RASGRF1: variants seen among roughly 807,000 people sequenced by gnomAD.
RASGRF1 encodes the protein Ras protein specific guanine nucleotide releasing factor 1, also known as ras-specific guanine nucleotide-releasing factor 1.
RASGRF1 carries 40 observed loss-of-function variants against 138.7 expected under a neutral mutation model. The observed-to-expected ratio is 0.29, with a 90% CI of 0.22 to 0.38. The LOEUF (loss-of-function observed/expected upper bound fraction) is 0.38. Ranked by LOEUF, RASGRF1 falls within the 10% of genes least tolerant of loss-of-function variation. RASGRF1 has a pLI of 1.00. For missense variants in RASGRF1, 1,108 were observed against 1,650.4 expected, an observed-to-expected ratio of 0.67 and a Z score of 5.69; for synonymous variants, 614 against 663.2, an observed-to-expected ratio of 0.93 and a Z score of 1.14.
At chr15:78,994,475 G>C (rs2056347621) in intron 20 of RASGRF1, among the ~76,000 whole-genome samples, 1 of 152,230 alleles carries the variant, frequency 6.6e-6, no homozygotes, top group African/African-American at 2.4e-5. Flanking sequence ...CCAGCAAGGG[G>C]CTGAGCCAGC....
intron 26 of RASGRF1, among the ~76,000 whole-genome samples, chr15:78,967,801 A>G (rs1232803360): frequency 6.6e-6 from 1 of 152,164 alleles, no homozygotes; most frequent in African/African-American, 2.4e-5. Flanking sequence ...TGAGGGCTGA[A>G]CCATTTGAAG....
At chr15:79,043,936 C>T (rs193065198) in intron 5 of RASGRF1, among the ~76,000 whole-genome samples, 25 of 152,346 alleles carry the variant, frequency 1.6e-4, no homozygotes, top group East Asian at 1.4e-3. Flanking sequence ...ATTACTCTTC[C>T]GAACTTTTGC....
chr15:78,990,058 A>G, intron 22 of RASGRF1, 131 bp downstream of exon 22: 1 of 769,404 alleles, frequency 1.3e-6, no homozygotes, highest in Non-Finnish European at 2.3e-6. Context: ...CCACATGGCA[A>G]GGGGTGGCAG....
intron 2 of RASGRF1, among the ~76,000 whole-genome samples, chr15:79,059,749 A>C (rs941403110): frequency 3.0e-4 from 45 of 151,816 alleles, no homozygotes; most frequent in African/African-American, 1.0e-3. Context: ...ATAAACACAC[A>C]CCCCCCACAG....
At chr15:78,990,374 G>A (rs139994897) in intron 21 of RASGRF1, 101 bp from the exon 22 acceptor site, 73 of 792,018 alleles carry the variant, frequency 9.2e-5, no homozygotes, top group Non-Finnish European at 1.4e-4. Context: ...TTTTGAGGCT[G>A]TCATTTCTGG....
intron 23 of RASGRF1, 140 bp downstream of exon 23, chr15:78,984,867 A>C: frequency 1.1e-6 from 1 of 884,462 alleles, no homozygotes; most frequent in Non-Finnish European, 1.8e-6. Context: ...AGGGGAAGCT[A>C]TTCTGTTTTA....
chr15:78,979,020 T>TGGC, intron 24 of RASGRF1: 1 of 1,293,468 alleles, frequency 7.7e-7, no homozygotes, highest in South Asian at 1.2e-5. Flanking sequence ...GCAGCGGTGG[T>TGGC]GGCGGCGGCA....
chr15:79,016,934 C>T (rs2056886994), intron 12 of RASGRF1, among the ~76,000 whole-genome samples: 1 of 152,338 alleles, frequency 6.6e-6, no homozygotes, highest in Admixed American at 6.5e-5. Flanking sequence ...AACCTCCCTC[C>T]CCTTCTGCTG....
chr15:79,084,169 C>T (rs1595979886), intron 1 of RASGRF1, among the ~76,000 whole-genome samples: 1 of 152,142 alleles, frequency 6.6e-6, no homozygotes. Context: ...AGAAAATCAT[C>T]GATGAAGGGA....
intron 4 of RASGRF1, among the ~76,000 whole-genome samples, chr15:79,048,602 T>A (rs981689988): frequency 6.6e-6 from 1 of 152,230 alleles, no homozygotes; most frequent in African/African-American, 2.4e-5. Flanking sequence ...GTTAGCTATT[T>A]CTATTCTTGA....
intron 14 of RASGRF1, chr15:79,004,832 A>G (rs2056634727): frequency 6.1e-6 from 6 of 985,236 alleles, no homozygotes; most frequent in Non-Finnish European, 7.2e-6. Flanking sequence ...CACACAGGAT[A>G]GGATTGATCT....
At chr15:78,980,830 C>A in intron 23 of RASGRF1, 131 bp from the exon 24 acceptor site, 1 of 613,440 alleles carries the variant, frequency 1.6e-6, no homozygotes, top group Non-Finnish European at 2.7e-6. Flanking sequence ...ATCTGGGGGC[C>A]TCCTGTGTTT....
At position 79,027,133 on chromosome 15, in the gene RASGRF1, A is replaced by G. The variant is rs546241824; in HGVS notation, c.1381+608T>C. Among the ~76,000 whole-genome samples the G allele has an allele frequency of 9.2e-5, 14 of 152,286 alleles. No homozygotes were observed. In the East Asian group the frequency reaches 2.7e-3, roughly 29 times the overall value. ...CAAAACATGGAAGTTGAATGTGATG[A>G]ATTTCAAATGCATTGCAGTTCTGAT... On this transcript the variant is annotated intron_variant, in intron 9 of 26. Coordinates refer to ENST00000558480, the MANE Select transcript of RASGRF1 (RefSeq NM_001145648.3). The surrounding 1 kb of genome is among the most constrained non-coding windows in gnomAD (Gnocchi z 4.8).
At chr15:78,997,444 T>C (rs541645564) in intron 19 of RASGRF1, among the ~76,000 whole-genome samples, 2 of 152,252 alleles carry the variant, frequency 1.3e-5, no homozygotes, top group Admixed American at 6.5e-5. Flanking sequence ...AAGATTTAAA[T>C]AGCCAAGGCC....
chr15:79,067,163 C>T (rs744059), intron 1 of RASGRF1, among the ~76,000 whole-genome samples: 30,544 of 152,042 alleles, frequency 0.2, 3,315 homozygotes, highest in East Asian at 0.38. Context: ...TCGGGACAAG[C>T]GTGACCCAGA....
chr15:79,059,691 C>CT (rs2057571191), intron 2 of RASGRF1, among the ~76,000 whole-genome samples: 1 of 152,096 alleles, frequency 6.6e-6, no homozygotes, highest in East Asian at 1.9e-4. Flanking sequence ...TCCCCTGAAA[C>CT]GTACACTGTA....
intron 8 of RASGRF1, 130 bp downstream of exon 8, chr15:79,031,270 A>G (rs1181012268): frequency 2.8e-6 from 2 of 720,572 alleles, no homozygotes; most frequent in South Asian, 1.8e-5. Flanking sequence ...GAGCTGTGGC[A>G]AGCTGTGCCC....
At chr15:79,020,442 C>T (rs1008715859) in intron 10 of RASGRF1, among the ~76,000 whole-genome samples, 3 of 152,230 alleles carry the variant, frequency 2.0e-5, no homozygotes, top group African/African-American at 7.2e-5. Context: ...CGCTTCATAG[C>T]CCTAAATCTG....
intron 5 of RASGRF1, among the ~76,000 whole-genome samples, chr15:79,040,159 C>T (rs2057277774): frequency 1.3e-5 from 2 of 151,684 alleles, no homozygotes; most frequent in South Asian, 4.2e-4. Flanking sequence ...AGCTGCTTCT[C>T]CTCCTTCTCT....
Sources: gnomAD v4.1 joint callset for allele counts (sites outside exome capture counted in the v4.1 genomes callset) on GRCh38, gnomAD v4.1.1 for gene constraint, Gnocchi (gnomAD v3.1) non-coding constraint, MANE v1.5 for transcripts, NCBI Gene and HGNC (gene_info 2026-07-23, HGNC 2026-07-21) for gene names.